NDRG2: variants seen among roughly 807,000 people sequenced by gnomAD.
NDRG2 encodes NDRG family member 2.
In NDRG2, 34 loss-of-function variants were observed where a neutral mutation model predicts 58.2. That is an observed-to-expected ratio of 0.58 (90% CI 0.44 to 0.78). NDRG2 has a LOEUF of 0.78. Ranked by LOEUF, NDRG2 falls within the 30% of genes least tolerant of loss-of-function variation. NDRG2 has a pLI of 0.00. For synonymous variants in NDRG2, 187 were observed against 175.9 expected (o/e 1.06, Z -0.50); for missense variants, 434 against 471.2 (o/e 0.92, Z 0.73).
rs1358513703 is a variant in NDRG2, at chr14:21,024,926, C to T, written c.-903G>A. On this transcript the variant is annotated 5_prime_UTR_variant, in exon 1 of 16. Transcript: ENST00000556147. Reference sequence around the variant, plus strand: ...AGCGCCCGCTCCGTGCTGGCCCTTTCCCCCGAGCCTCCAGCTCCAGGGGAC... The same window carrying T: ...AGCGCCCGCTCCGTGCTGGCCCTTTTCCCCGAGCCTCCAGCTCCAGGGGAC... The T allele has an allele frequency of 2.0e-6, 2 of 985,632 alleles. No homozygotes were observed. Among genetic ancestry groups the T allele is most frequent in the Non-Finnish European group, 2.4e-6 (2 of 830,078 alleles). 61.1% of individuals were successfully genotyped at this position (985,632 alleles called of 1,614,324 possible).
At chr14:21,021,981 T>C (rs901773554) in intron 5 of NDRG2, 81 bp downstream of exon 5, 2 of 1,611,904 alleles carry the variant, frequency 1.2e-6, no homozygotes, top group Non-Finnish European at 1.7e-6. Flanking sequence ...CTGCCCTCCC[T>C]TTCCTCCTCC....
At chr14:21,047,658 G>A (rs1039187609) in intron 1 of NDRG2, among the ~76,000 whole-genome samples, 1 of 152,226 alleles carries the variant, frequency 6.6e-6, no homozygotes, top group African/African-American at 2.4e-5. Flanking sequence ...CTTGGAGAGA[G>A]GAGGATGGTG....
Position 21,018,231 on chromosome 14 carries a change from G to A in NDRG2, c.870C>T (p.Asp290=), listed in dbSNP as rs1877965613. 2 of 1,613,666 alleles carry A rather than the reference G, an allele frequency of 1.2e-6. No homozygotes were observed. The highest frequency in any genetic ancestry group is 1.7e-6 in the Non-Finnish European group (2 of 1,180,026). ...GAGTCAGCTGGGGCTGACCTCCGGAGTCAGCCATCTGTTCAGGAGAGCACC... is the reference window on the plus strand; with the variant it reads ...GAGTCAGCTGGGGCTGACCTCCGGAATCAGCCATCTGTTCAGGAGAGCACC... ...PTQTSFLKMA[D]SGGQPQLTQP... is the part of the protein sequence containing the mutation. Residue 290 remains aspartate, a synonymous_variant, in exon 14 of 16, where the codon GAC becomes GAT. Transcript: ENST00000556147.
At chr14:21,019,816 C>G in intron 9 of NDRG2, 74 bp from the exon 10 acceptor site, 2 of 1,513,822 alleles carry the variant, frequency 1.3e-6, no homozygotes, top group Non-Finnish European at 1.8e-6. Flanking sequence ...AAGAGGTAAG[C>G]CTTCTTCCTT....
upstream of NDRG2, chr14:21,029,320 G>A (rs1452529076): frequency 2.6e-5 from 4 of 152,206 alleles, no homozygotes; most frequent in African/African-American, 2.4e-5. Flanking sequence ...CTAACTCCCG[G>A]CTGGACGCAG....
chr14:21,018,464 A>G lies in NDRG2; in HGVS notation c.854T>C (p.Phe285Ser), dbSNP rs780991164. Residue 285 changes from phenylalanine to serine, a missense_variant, in exon 13 of 16, where the codon TTC (phenylalanine) becomes TCC (serine). By Grantham distance (155) the Phe-to-Ser change is radical (BLOSUM62 -2). Transcript: ENST00000556147. The stretch of plus-strand genomic sequence containing the variant: ...CAGGAACAGGTTACTGACCTTGAGG[A>G]ACGAGGTCTGGGTGGGGTCCAGTTT... Reference protein sequence around the residue: ...NSKLDPTQTSFLKMADSGGQP... With the variant: ...NSKLDPTQTSSLKMADSGGQP... 6.2e-7 allele frequency: 1 copy of G among 1,613,992 alleles called. No individual in the cohort carries two copies. The highest frequency in any genetic ancestry group is 8.5e-7 in the Non-Finnish European group (1 of 1,179,946).
intron 1 of NDRG2, chr14:21,031,813 G>C (rs1884191834): frequency 6.7e-7 from 1 of 1,482,704 alleles, no homozygotes; most frequent in Admixed American, 2.1e-5. Context: ...CTTGTTCTAA[G>C]TATCTCGGGC....
At chr14:21,051,589 C>A (rs576227774) in intron 1 of NDRG2, among the ~76,000 whole-genome samples, 5 of 149,958 alleles carry the variant, frequency 3.3e-5, no homozygotes, top group African/African-American at 1.2e-4. Flanking sequence ...CAGAGACAAG[C>A]TCATAGTGCA....
intron 1 of NDRG2, among the ~76,000 whole-genome samples, chr14:21,063,957 A>G (rs1488417059): frequency 6.6e-6 from 1 of 152,196 alleles, no homozygotes; most frequent in Non-Finnish European, 1.5e-5. Flanking sequence ...CTTCTTTATA[A>G]CTGCAACAAT....
intron 1 of NDRG2, among the ~76,000 whole-genome samples, chr14:21,055,751 C>T (rs916147880): frequency 6.6e-6 from 1 of 152,190 alleles, no homozygotes; most frequent in South Asian, 2.1e-4. Flanking sequence ...AGCTTGGCAG[C>T]TTGGGTCTGT....
chr14:21,060,341 A>G (rs948692348), intron 1 of NDRG2, among the ~76,000 whole-genome samples: 1 of 151,798 alleles, frequency 6.6e-6, no homozygotes, highest in African/African-American at 2.4e-5. Flanking sequence ...CCTGCCCATC[A>G]CTACCACTAT....
chr14:21,068,648 C>T lies in NDRG2; in HGVS notation c.24+2180G>A, dbSNP rs530381309. ...AGCAAAATCTCACTCTCCTAGCTCG[C>T]GGGCCCTCGTAATAGAGAACCTGGA... is the stretch of plus-strand genomic sequence containing the variant. On this transcript the variant is annotated intron_variant, in intron 1 of 14. Coordinates refer to the NDRG2 transcript ENST00000403829. Among the ~76,000 whole-genome samples the T allele has an allele frequency of 5.9e-5, 9 of 152,300 alleles. 1 individual carries two copies. The South Asian group carries it at 1.7e-3, about 28-fold the overall frequency.
rs760142933 is a variant in NDRG2 at position 21,031,873 on chromosome 14, A to T, written c.25-8552T>A. The T allele has an allele frequency of 9.3e-6, 15 of 1,610,024 alleles. No individual in the cohort carries two copies. In the South Asian group the frequency reaches 1.7e-4, roughly 18 times the overall value. The stretch of plus-strand genomic sequence containing the variant: ...GCGTAAGGAAAGGAAGAGAGCTCAA[A>T]TCCATCCCTGGCTTGCAGAAAGCAA... On this transcript the variant is annotated intron_variant, in intron 1 of 14. Transcript: ENST00000403829.
intron 1 of NDRG2, among the ~76,000 whole-genome samples, chr14:21,045,866 G>A (rs1463536248): frequency 2.0e-5 from 3 of 152,294 alleles, no homozygotes; most frequent in Admixed American, 2.0e-4. Context: ...AGGGGCATGG[G>A]GGAGCCTTCT....
chr14:21,018,972 C>G, intron 11 of NDRG2, 144 bp downstream of exon 11: 1 of 1,254,558 alleles, frequency 8.0e-7, no homozygotes, highest in East Asian at 2.4e-5. Context: ...GGGGGAAGAC[C>G]TAGAGGGAAG....
chr14:21,035,886 GTT>G, intron 1 of NDRG2: 1 of 454,464 alleles, frequency 2.2e-6, no homozygotes, highest in Admixed American at 2.4e-5. Context: ...CTGCATGGTG[GTT>G]AAGATCAAGG....
In NDRG2 at chr14:21,019,737, C is replaced by G. The variant is rs761863214; in HGVS notation, c.618G>C (p.Glu206Asp). Reference sequence around the variant, plus strand: ...GTATCAACTCAGAATTTCCAGAGAGCTCTTCCTGAAGGAGAGAACAAGGAG... The same window carrying G: ...GTATCAACTCAGAATTTCCAGAGAGGTCTTCCTGAAGGAGAGAACAAGGAG... Reference protein sequence around the residue: ...MILGHLFSQEELSGNSELIQK... With the variant: ...MILGHLFSQEDLSGNSELIQK... Residue 206 changes from glutamate (E) to aspartate (D), a missense_variant, in exon 10 of 16, where the codon GAG becomes GAC. Glu to Asp is a conservative substitution (Grantham distance 45). Transcript: ENST00000556147. 1 of 1,610,288 alleles carries G rather than the reference C, an allele frequency of 6.2e-7. No individual in the cohort carries two copies. Among genetic ancestry groups the G allele is most frequent in the African/African-American group, 1.3e-5 (1 of 74,820 alleles).
At chr14:21,026,209 C>A (rs1883602448), upstream of NDRG2, among the ~76,000 whole-genome samples, 1 of 152,066 alleles carries the variant, frequency 6.6e-6, no homozygotes, top group African/African-American at 2.4e-5. Flanking sequence ...GAGGAAGGCT[C>A]CCTGGAATGA....
At chr14:21,026,790 C>A (rs1203543721), upstream of NDRG2, among the ~76,000 whole-genome samples, 2 of 152,038 alleles carry the variant, frequency 1.3e-5, no homozygotes, top group African/African-American at 4.8e-5. Flanking sequence ...AGCTGGGCAC[C>A]CTGGCTCCTC....
Sources: gnomAD v4.1 joint callset for allele counts (sites outside exome capture counted in the v4.1 genomes callset) on GRCh38, gnomAD v4.1.1 for gene constraint, MANE v1.5 for transcripts, NCBI Gene and HGNC (gene_info 2026-07-23, HGNC 2026-07-21) for gene names.